Variants in LINGO2 observed in about 807,000 individuals in gnomAD.
LINGO2 encodes leucine rich repeat and Ig domain containing 2.
A neutral mutation model predicts 30.6 loss-of-function variants in LINGO2; 14 were observed. The ratio of observed to expected loss-of-function variants is 0.46; its 90% CI spans 0.30 to 0.72. LINGO2 has a LOEUF of 0.72. LINGO2 is among the 30% of genes least tolerant of loss of function. The probability of loss-of-function intolerance (pLI) is 0.07; values close to 1 mark genes in which losing one functional copy is unlikely to be tolerated. For missense variants in LINGO2, 729 were observed against 751.7 expected (o/e 0.97, Z 0.35); for synonymous variants, 317 against 288.5 (o/e 1.10, Z -1.00).
At chr9:27,941,734 C>A in the LINGO2 span, 1 of 152,180 alleles carries the variant, frequency 6.6e-6, no homozygotes, top group African/African-American at 2.4e-5. Context: ...AGAGAGGGCA[C>A]CTTCACTCTC....
At chr9:28,883,628 G>GTATGTATATA in the LINGO2 span, among the ~76,000 whole-genome samples, 3 of 64,180 alleles carry the variant, frequency 4.7e-5, no homozygotes, top group Admixed American at 2.0e-4. Flanking sequence ...ATGTGTGTGT[G>GTATGTATATA]TATATATATA....
At chr9:29,204,168 G>C in the LINGO2 span, among the ~76,000 whole-genome samples, 5 of 152,138 alleles carry the variant, frequency 3.3e-5, no homozygotes, top group African/African-American at 1.2e-4. Flanking sequence ...TACTCCTTCA[G>C]TTTACCAGAT....
At chr9:28,706,786 C>T in the LINGO2 span, among the ~76,000 whole-genome samples, 1 of 152,110 alleles carries the variant, frequency 6.6e-6, no homozygotes, top group Non-Finnish European at 1.5e-5. Flanking sequence ...CATATTTTGA[C>T]TAGGAGCATT....
At chr9:28,307,651 C>T (rs1427510731) in intron 3 of LINGO2, among the ~76,000 whole-genome samples, 7 of 152,150 alleles carry the variant, frequency 4.6e-5, no homozygotes, top group Non-Finnish European at 4.4e-5. Context: ...TCCCTGTTTG[C>T]AGATGACATG....
At chr9:28,578,425 T>C (rs1289101111) in intron 1 of LINGO2, among the ~76,000 whole-genome samples, 2 of 152,154 alleles carry the variant, frequency 1.3e-5, no homozygotes, top group Admixed American at 6.5e-5. Context: ...TTTCAGACTA[T>C]GCGCATTGTG....
the LINGO2 span, among the ~76,000 whole-genome samples, chr9:28,790,780 G>A: frequency 2.0e-5 from 3 of 151,940 alleles, no homozygotes; most frequent in Admixed American, 1.3e-4. Context: ...TGTTAATCTC[G>A]TATTGTTCCT....
chr9:28,298,704 A>C (rs1391391072), intron 3 of LINGO2, among the ~76,000 whole-genome samples: 1 of 151,652 alleles, frequency 6.6e-6, no homozygotes, highest in African/African-American at 2.4e-5. Flanking sequence ...AAAAAATCAG[A>C]ATGAATGTAT....
intron 2 of LINGO2, among the ~76,000 whole-genome samples, chr9:28,388,837 C>T (rs1009946269): frequency 2.6e-5 from 4 of 152,146 alleles, no homozygotes; most frequent in Non-Finnish European, 5.9e-5. Flanking sequence ...TATTTAGAAG[C>T]TTTACCAAAC....
At chr9:28,646,706 A>C (rs1348075970) in intron 1 of LINGO2, among the ~76,000 whole-genome samples, 2 of 152,122 alleles carry the variant, frequency 1.3e-5, no homozygotes, top group African/African-American at 4.8e-5. Flanking sequence ...ATTAAGCAAT[A>C]ATTTCTTATG....
chr9:28,479,283 G>A (rs1825840399), intron 1 of LINGO2, among the ~76,000 whole-genome samples: 1 of 151,654 alleles, frequency 6.6e-6, no homozygotes, highest in Admixed American at 6.6e-5. Context: ...TATAATCAAG[G>A]GAAATTTAAT....
intron 4 of LINGO2, among the ~76,000 whole-genome samples, chr9:28,081,824 C>A (rs1563963203): frequency 6.0e-5 from 2 of 33,090 alleles, no homozygotes; most frequent in Non-Finnish European, 2.0e-4. Context: ...TGAATGTTAG[C>A]AATTGTTTTT....
the LINGO2 span, among the ~76,000 whole-genome samples, chr9:29,067,062 T>G: frequency 1.3e-5 from 2 of 151,820 alleles, no homozygotes; most frequent in African/African-American, 4.8e-5. Context: ...TATATTCTAA[T>G]GTAGGAAAAA....
chr9:29,145,415 T>C, the LINGO2 span, among the ~76,000 whole-genome samples: 1 of 148,172 alleles, frequency 6.7e-6, no homozygotes, highest in South Asian at 2.1e-4. Flanking sequence ...GCAGAAAAAA[T>C]TAGTGTTTTT....
intron 5 of LINGO2, among the ~76,000 whole-genome samples, chr9:27,995,289 ACTG>A (rs1300116069): frequency 1.3e-5 from 2 of 152,188 alleles, no homozygotes; most frequent in Admixed American, 6.5e-5. Context: ...TGATGGCATC[ACTG>A]CTGAATTCCA....
At chr9:29,211,432 C>A in the LINGO2 span, among the ~76,000 whole-genome samples, 1 of 152,164 alleles carries the variant, frequency 6.6e-6, no homozygotes, top group Non-Finnish European at 1.5e-5. Flanking sequence ...TGAAGTGAAT[C>A]TGACTTCATC....
intron 4 of LINGO2, among the ~76,000 whole-genome samples, chr9:28,075,303 C>T (rs547940819): frequency 7.1e-4 from 108 of 151,810 alleles, no homozygotes; most frequent in African/African-American, 2.5e-3. Flanking sequence ...TTATTCATTC[C>T]TTTTATTGTT....
intron 4 of LINGO2, among the ~76,000 whole-genome samples, chr9:28,138,985 C>T (rs1216733431): frequency 6.6e-6 from 1 of 152,142 alleles, no homozygotes; most frequent in East Asian, 1.9e-4. Context: ...AGAGTTTCTC[C>T]CTCCACTATC....
At chr9:28,077,425 T>A (rs1825657046) in intron 4 of LINGO2, among the ~76,000 whole-genome samples, 1 of 152,246 alleles carries the variant, frequency 6.6e-6, no homozygotes, top group Admixed American at 6.5e-5. Context: ...GTTGGACAGC[T>A]TATGAATCCA....
chr9:28,452,039 C>T (rs1393072587), intron 2 of LINGO2, among the ~76,000 whole-genome samples: 1 of 151,608 alleles, frequency 6.6e-6, no homozygotes, highest in African/African-American at 2.4e-5. Context: ...AATAAATTCT[C>T]ATTTTATTTA....
Sources: gnomAD v4.1 joint callset for allele counts (sites outside exome capture counted in the v4.1 genomes callset) on GRCh38, gnomAD v4.1.1 for gene constraint, MANE v1.5 for transcripts, NCBI Gene and HGNC (gene_info 2026-07-23, HGNC 2026-07-21) for gene names.